DPP10: variants seen among roughly 807,000 people sequenced by gnomAD.
DPP10 encodes the protein dipeptidyl peptidase like 10, also known as inactive dipeptidyl peptidase 10.
In DPP10, 33 loss-of-function variants were observed where a neutral mutation model predicts 120.9. The ratio of observed to expected loss-of-function variants is 0.27; its 90% CI spans 0.21 to 0.37. DPP10 has a LOEUF of 0.37. Among genes scored for constraint, DPP10 ranks in the 10% least tolerant of loss-of-function variants. The pLI is 1.00. For synonymous variants in DPP10, 337 were observed against 326.1 expected, an observed-to-expected ratio of 1.03 and a Z score of -0.36; for missense variants, 816 against 942.8, an observed-to-expected ratio of 0.87 and a Z score of 1.76.
At chr2:115,752,889 T>C (rs1377118162) in intron 10 of DPP10, among the ~76,000 whole-genome samples, 1 of 152,144 alleles carries the variant, frequency 6.6e-6, no homozygotes, top group Non-Finnish European at 1.5e-5. Context: ...AATACTTTTC[T>C]GGGAAATAAT....
At chr2:114,730,056 A>G (rs1676743347) in intron 1 of DPP10, among the ~76,000 whole-genome samples, 1 of 152,250 alleles carries the variant, frequency 6.6e-6, no homozygotes, top group African/African-American at 2.4e-5. Context: ...AAAGAGAAAT[A>G]AAACTTTGAA....
chr2:115,702,332 A>G (rs2091925904), intron 7 of DPP10, among the ~76,000 whole-genome samples: 1 of 152,082 alleles, frequency 6.6e-6, no homozygotes, highest in Admixed American at 6.6e-5. Flanking sequence ...CATATGATCC[A>G]GCAATTCCAT....
intron 1 of DPP10, among the ~76,000 whole-genome samples, chr2:115,174,912 T>A (rs1262478720): frequency 2.6e-5 from 4 of 152,226 alleles, no homozygotes; most frequent in African/African-American, 9.6e-5. Flanking sequence ...AAGAAATTGA[T>A]GCAGGTGTCT....
intron 1 of DPP10, among the ~76,000 whole-genome samples, chr2:114,839,696 C>T (rs191762085): frequency 1.3e-5 from 2 of 152,246 alleles, no homozygotes; most frequent in African/African-American, 2.4e-5. Flanking sequence ...TCTTCTTACT[C>T]ATTTTAATTC....
chr2:115,333,962 CAAAG>C (rs1446392708), intron 2 of DPP10, among the ~76,000 whole-genome samples: 2 of 151,684 alleles, frequency 1.3e-5, no homozygotes, highest in African/African-American at 2.4e-5. Flanking sequence ...TAAAAAGAAA[CAAAG>C]AAAGCCTCCA....
At chr2:115,454,958 T>C (rs952674124) in intron 3 of DPP10, among the ~76,000 whole-genome samples, 2 of 151,174 alleles carry the variant, frequency 1.3e-5, no homozygotes, top group Non-Finnish European at 3.0e-5. Flanking sequence ...AAAAATTATA[T>C]CCATGACATC....
chr2:115,058,890 A>G (rs998537287), intron 1 of DPP10, among the ~76,000 whole-genome samples: 1 of 152,048 alleles, frequency 6.6e-6, no homozygotes, highest in Admixed American at 6.6e-5. Flanking sequence ...ATCTTCTCCC[A>G]TGATACAACT....
chr2:115,782,481 C>G (rs1330370367), intron 17 of DPP10, 82 bp downstream of exon 17: 15 of 1,320,758 alleles, frequency 1.1e-5, no homozygotes, highest in Non-Finnish European at 1.6e-5. Context: ...GAGTCATATC[C>G]TCTATAAATT....
chr2:115,498,688 A>C (rs2076529260), intron 3 of DPP10, among the ~76,000 whole-genome samples: 1 of 71,114 alleles, frequency 1.4e-5, no homozygotes, highest in African/African-American at 4.5e-5. Flanking sequence ...TTACCTAATC[A>C]TATATATATA....
intron 21 of DPP10, among the ~76,000 whole-genome samples, chr2:115,827,409 TGTG>T (rs1688454879): frequency 2.7e-5 from 1 of 37,578 alleles, no homozygotes; most frequent in East Asian, 2.0e-3. Flanking sequence ...TGTGTATGTG[TGTG>T]TGTATATATA....
At chr2:115,121,008 C>T (rs1484102878) in intron 1 of DPP10, among the ~76,000 whole-genome samples, 3 of 152,182 alleles carry the variant, frequency 2.0e-5, no homozygotes, top group Non-Finnish European at 4.4e-5. Flanking sequence ...GTTATTCTCC[C>T]TCAAGGGATT....
intron 1 of DPP10, among the ~76,000 whole-genome samples, chr2:115,214,200 G>T (rs571488015): frequency 1.3e-5 from 2 of 152,296 alleles, no homozygotes; most frequent in East Asian, 3.9e-4. Flanking sequence ...ATGAATAGGG[G>T]TTTGGTCTGG....
chr2:115,139,857 T>C (rs2050834142), intron 1 of DPP10, among the ~76,000 whole-genome samples: 1 of 150,698 alleles, frequency 6.6e-6, no homozygotes, highest in Non-Finnish European at 1.5e-5. Context: ...ATGAACTGAC[T>C]CTAATGTGTG....
At chr2:114,970,351 C>T (rs1173244874) in intron 1 of DPP10, among the ~76,000 whole-genome samples, 1 of 152,156 alleles carries the variant, frequency 6.6e-6, no homozygotes, top group Non-Finnish European at 1.5e-5. Context: ...ATTTTAGCAG[C>T]TCTGATTCTA....
chr2:115,267,558 A>T (rs757534653), intron 1 of DPP10, among the ~76,000 whole-genome samples: 1 of 152,010 alleles, frequency 6.6e-6, no homozygotes, highest in Non-Finnish European at 1.5e-5. Flanking sequence ...TCAGCACTGC[A>T]TCGCTCTCTG....
chr2:115,576,130 C>T (rs1300687151), intron 5 of DPP10, among the ~76,000 whole-genome samples: 1 of 152,154 alleles, frequency 6.6e-6, no homozygotes, highest in Non-Finnish European at 1.5e-5. Context: ...AAGCTACTGA[C>T]TTTGTGGTGA....
At chr2:115,596,457 A>G (rs1018707886) in intron 5 of DPP10, among the ~76,000 whole-genome samples, 5 of 152,154 alleles carry the variant, frequency 3.3e-5, no homozygotes, top group African/African-American at 1.2e-4. Flanking sequence ...ATGAAACATC[A>G]TATGTGCTTA....
chr2:114,802,291 G>C (rs1043220235), intron 1 of DPP10, among the ~76,000 whole-genome samples: 1 of 152,070 alleles, frequency 6.6e-6, no homozygotes, highest in Non-Finnish European at 1.5e-5. Flanking sequence ...AGGGATGAAG[G>C]TATTTATACT....
chr2:115,293,085 A>C, intron 1 of DPP10, among the ~76,000 whole-genome samples: 1 of 152,058 alleles, frequency 6.6e-6, no homozygotes, highest in East Asian at 1.9e-4. Context: ...GTACAGATTC[A>C]CATTAACCAA....
Sources: gnomAD v4.1 joint callset for allele counts (sites outside exome capture counted in the v4.1 genomes callset) on GRCh38, gnomAD v4.1.1 for gene constraint, MANE v1.5 for transcripts, NCBI Gene and HGNC (gene_info 2026-07-23, HGNC 2026-07-21) for gene names.